Variants in TRIM33 observed in about 807,000 individuals in gnomAD.
TRIM33 encodes the protein tripartite motif containing 33, also known as E3 ubiquitin-protein ligase TRIM33.
A neutral mutation model predicts 125.4 loss-of-function variants in TRIM33; 20 were observed. The ratio of observed to expected loss-of-function variants is 0.16; its 90% CI spans 0.11 to 0.23. TRIM33 has a LOEUF of 0.23. TRIM33 is among the 10% of genes least tolerant of loss of function. The pLI is 1.00. For missense variants in TRIM33, 920 were observed against 1,411.4 expected (o/e 0.65, Z 5.58); for synonymous variants, 564 against 513.9 (o/e 1.10, Z -1.32).
At chr1:114,435,269 C>T (rs918221244) in intron 4 of TRIM33, among the ~76,000 whole-genome samples, 1 of 152,088 alleles carries the variant, frequency 6.6e-6, no homozygotes, top group Non-Finnish European at 1.5e-5. Context: ...GTTGGTACAG[C>T]CAAACAAACA....
At chr1:114,436,198 C>T (rs967254001) in intron 4 of TRIM33, among the ~76,000 whole-genome samples, 27 of 151,398 alleles carry the variant, frequency 1.8e-4, no homozygotes, top group Non-Finnish European at 3.2e-4. Flanking sequence ...GTCAGGAGAT[C>T]GAGACCATCC....
intron 4 of TRIM33, among the ~76,000 whole-genome samples, chr1:114,440,688 TAAAG>T (rs1281915377): frequency 6.6e-6 from 1 of 152,148 alleles, no homozygotes; most frequent in African/African-American, 2.4e-5. Flanking sequence ...AGTTTAGACA[TAAAG>T]AGAGTATTTG....
chr1:114,437,209 A>T (rs924918732), intron 4 of TRIM33, among the ~76,000 whole-genome samples: 3 of 152,206 alleles, frequency 2.0e-5, no homozygotes, highest in Admixed American at 2.0e-4. Context: ...GGTAAACTGA[A>T]TTTTCTTTAA....
At chr1:114,472,817 T>C (rs1458429757) in intron 1 of TRIM33, among the ~76,000 whole-genome samples, 2 of 152,046 alleles carry the variant, frequency 1.3e-5, no homozygotes, top group Non-Finnish European at 2.9e-5. Flanking sequence ...AGATATACAC[T>C]GTTACAATTA....
chr1:114,495,982 A>G (rs1329340528), intron 1 of TRIM33, among the ~76,000 whole-genome samples: 1 of 152,202 alleles, frequency 6.6e-6, no homozygotes. Flanking sequence ...CATTACATAC[A>G]TCCCTTTTAT....
At position 114,463,069 on chromosome 1, in the gene TRIM33, T is replaced by C. The variant is rs773231838; in HGVS notation, c.923+35A>G. The C allele has an allele frequency of 7.2e-6, 11 of 1,528,358 alleles. No individual in the cohort carries two copies. In the South Asian group the frequency reaches 7.8e-5, roughly 11 times the overall value. 94.7% of individuals were successfully genotyped at this position (1,528,358 alleles called of 1,614,324 possible). On this transcript the variant is annotated intron_variant, in intron 4 of 19. Coordinates refer to ENST00000358465, the MANE Select transcript of TRIM33 (RefSeq NM_015906.4). ...AGAATGACTTTACAAGCACTTTTTA[T>C]AGTATTTCCTGGTAAGCAATTATGA...
At chr1:114,498,059 G>A (rs562878317) in intron 1 of TRIM33, among the ~76,000 whole-genome samples, 2 of 149,168 alleles carry the variant, frequency 1.3e-5, no homozygotes, top group Non-Finnish European at 3.0e-5. Flanking sequence ...ATCCAAGAGC[G>A]GAGGTTGCAA....
At chr1:114,422,850 A>T (rs552077439) in intron 10 of TRIM33, among the ~76,000 whole-genome samples, 93 of 152,318 alleles carry the variant, frequency 6.1e-4, no homozygotes, top group South Asian at 3.3e-3. Flanking sequence ...GAAAAAATTC[A>T]AAGAATTGAG....
rs56960865 is a variant in TRIM33 at position 114,414,989 on chromosome 1, A to ATTTTTT, written c.2062-4679_2062-4674dup. ...CCAACATATCCATGAGGTAGATTCTATTTTTTTTTTTTTTTTTTTTTTTGA... is the reference window on the plus strand; with the variant it reads ...CCAACATATCCATGAGGTAGATTCTATTTTTTTTTTTTTTTTTTTTTTTTTTTTTGA... On this transcript the variant is annotated intron_variant, in intron 11 of 19. Transcript: ENST00000358465. Among the ~76,000 whole-genome samples the ATTTTTT allele has an allele frequency of 4.1e-3, 430 of 104,682 alleles. 36 individuals are homozygous for ATTTTTT. Among genetic ancestry groups the ATTTTTT allele is most frequent in the African/African-American group, 9.8e-3 (259 of 26,412 alleles). 68.7% of individuals were successfully genotyped at this position (104,682 alleles called of 152,430 possible).
intron 18 of TRIM33, among the ~76,000 whole-genome samples, chr1:114,398,912 A>AAAC (rs1553204380): frequency 6.8e-6 from 1 of 147,958 alleles, no homozygotes; most frequent in Non-Finnish European, 1.5e-5. Context: ...AAAAAAAAAA[A>AAAC]AAACAAAACA....
intron 4 of TRIM33, among the ~76,000 whole-genome samples, chr1:114,459,170 G>GA (rs1649799281): frequency 1.3e-5 from 2 of 152,150 alleles, no homozygotes; most frequent in African/African-American, 4.8e-5. Flanking sequence ...GACCCATCAG[G>GA]ATGGGTGCTG....
Position 114,511,113 on chromosome 1 carries a change from G to A in TRIM33, c.-37C>T. 2 of 1,130,542 alleles carry A rather than the reference G, an allele frequency of 1.8e-6. No individual in the cohort carries two copies. The highest frequency in any genetic ancestry group is 2.2e-6 in the Non-Finnish European group (2 of 926,348). The allele number at this position is 1,130,542 out of a possible 1,614,324, so 70.0% of individuals were successfully genotyped here. ...TGAACCCGCCGGACCGCCCCGCGCC[G>A]CCCGCCGCCCGCGTCGCCGCCGCCG... On this transcript the variant is annotated 5_prime_UTR_variant, in exon 1 of 20. Coordinates refer to ENST00000358465, the MANE Select transcript of TRIM33 (RefSeq NM_015906.4).
intron 4 of TRIM33, among the ~76,000 whole-genome samples, chr1:114,461,339 A>C (rs1649988737): frequency 6.8e-6 from 1 of 146,842 alleles, no homozygotes; most frequent in Admixed American, 6.9e-5. Flanking sequence ...TAAGTACCAG[A>C]AGGTGGGACT....
intron 4 of TRIM33, among the ~76,000 whole-genome samples, chr1:114,443,271 C>A (rs185833646): frequency 6.6e-6 from 1 of 152,252 alleles, no homozygotes; most frequent in East Asian, 1.9e-4. Context: ...GTAATCCCAG[C>A]TACTCAGGAG....
chr1:114,506,941 A>G (rs1212847390), intron 1 of TRIM33, among the ~76,000 whole-genome samples: 1 of 152,212 alleles, frequency 6.6e-6, no homozygotes, highest in African/African-American at 2.4e-5. Flanking sequence ...AATCAACTAA[A>G]CCAGTCTCTG....
chr1:114,426,698 C>T lies in TRIM33; in HGVS notation c.1420+479G>A, dbSNP rs185218674. On this transcript the variant is annotated intron_variant, in intron 8 of 19. Transcript: ENST00000358465. ...ATCTATGGTCTTTAGGTCCATACTA[C>T]GCTGTAACAAAAGGAAAATCCATTT... Among the ~76,000 whole-genome samples, 16 of 152,174 alleles carry T rather than the reference C, an allele frequency of 1.1e-4. No individual in the cohort carries two copies. In the East Asian group the frequency reaches 1.5e-3, roughly 15 times the overall value.
intron 5 of TRIM33, among the ~76,000 whole-genome samples, 193 bp from the exon 6 acceptor site, chr1:114,431,105 A>G (rs1314878691): frequency 6.6e-6 from 1 of 152,252 alleles, no homozygotes; most frequent in Non-Finnish European, 1.5e-5. Context: ...ACAAATAATG[A>G]AACTAATATT....
chr1:114,401,516 C>T (rs1244754588), intron 16 of TRIM33, 53 bp from the exon 17 acceptor site: 3 of 1,479,592 alleles, frequency 2.0e-6, no homozygotes, highest in African/African-American at 2.8e-5. Flanking sequence ...CCTAATAAAA[C>T]ATTCTCGAGA....
At chr1:114,447,624 T>G (rs1279197406) in intron 4 of TRIM33, among the ~76,000 whole-genome samples, 2 of 152,210 alleles carry the variant, frequency 1.3e-5, no homozygotes, top group African/African-American at 2.4e-5. Flanking sequence ...TTTTAAGCCC[T>G]AAGACTATAC....
Sources: gnomAD v4.1 joint callset for allele counts (sites outside exome capture counted in the v4.1 genomes callset) on GRCh38, gnomAD v4.1.1 for gene constraint, MANE v1.5 for transcripts, NCBI Gene and HGNC (gene_info 2026-07-23, HGNC 2026-07-21) for gene names.